Variants in FREM3 observed in about 807,000 individuals in gnomAD.
FREM3 encodes the protein FRAS1 related extracellular matrix 3.
A neutral mutation model predicts 129.1 loss-of-function variants in FREM3; 105 were observed. The ratio of observed to expected loss-of-function variants is 0.81; its 90% CI spans 0.69 to 0.96. The LOEUF (loss-of-function observed/expected upper bound fraction) is 0.96. FREM3 is among the 40% of genes least tolerant of loss of function. FREM3 has a pLI of 0.00. For synonymous variants in FREM3, 1,014 were observed against 1,044.9 expected, an observed-to-expected ratio of 0.97 and a Z score of 0.57; for missense variants, 2,593 against 2,666.3, an observed-to-expected ratio of 0.97 and a Z score of 0.61.
intron 4 of FREM3, among the ~76,000 whole-genome samples, chr4:143,623,258 T>C (rs1226513072): frequency 2.0e-5 from 3 of 152,198 alleles, no homozygotes; most frequent in Non-Finnish European, 4.4e-5. Context: ...AAATTTGGAA[T>C]AGTTCCTAGA....
At chr4:143,670,783 G>A (rs541840580) in intron 2 of FREM3, among the ~76,000 whole-genome samples, 66 of 152,056 alleles carry the variant, frequency 4.3e-4, no homozygotes, top group Middle Eastern at 3.4e-3. Context: ...CAGATTTTCT[G>A]AAGTGTGATT....
chr4:143,666,865 A>T (rs1358865846), intron 2 of FREM3, among the ~76,000 whole-genome samples: 4 of 152,178 alleles, frequency 2.6e-5, no homozygotes, highest in African/African-American at 9.6e-5. Context: ...GGTTAAAATT[A>T]CAAAATTTAT....
intron 2 of FREM3, among the ~76,000 whole-genome samples, chr4:143,679,872 C>A (rs1740219531): frequency 6.6e-6 from 1 of 152,128 alleles, no homozygotes; most frequent in Non-Finnish European, 1.5e-5. Context: ...ATTGCTGATT[C>A]CTTCCTGCCT....
intron 5 of FREM3, among the ~76,000 whole-genome samples, chr4:143,613,089 T>C (rs1016114250): frequency 4.6e-5 from 7 of 152,242 alleles, no homozygotes; most frequent in African/African-American, 1.7e-4. Flanking sequence ...CGACTTCAGA[T>C]GTTTTGCTCG....
At chr4:143,588,609 T>G (rs1343250069) in intron 6 of FREM3, among the ~76,000 whole-genome samples, 2 of 152,174 alleles carry the variant, frequency 1.3e-5, no homozygotes, top group South Asian at 4.2e-4. Context: ...CTCCATGGTG[T>G]ATATGTGCCA....
intron 7 of FREM3, among the ~76,000 whole-genome samples, chr4:143,578,061 A>G (rs1043262282): frequency 3.9e-5 from 6 of 152,236 alleles, no homozygotes; most frequent in African/African-American, 1.4e-4. Flanking sequence ...CCCACGTGCC[A>G]TCCTCACCAG....
At chr4:143,606,292 T>G (rs1347917529) in intron 6 of FREM3, among the ~76,000 whole-genome samples, 1 of 152,086 alleles carries the variant, frequency 6.6e-6, no homozygotes, top group Non-Finnish European at 1.5e-5. Context: ...TTTGGCTATG[T>G]GCATATGAAA....
At chr4:143,603,291 A>G (rs1239653823) in intron 6 of FREM3, among the ~76,000 whole-genome samples, 1 of 152,192 alleles carries the variant, frequency 6.6e-6, no homozygotes, top group Non-Finnish European at 1.5e-5. Flanking sequence ...GAAATCTAAA[A>G]AGAGTGTTGC....
At chr4:143,621,296 A>G in intron 4 of FREM3, 134 bp from the exon 5 acceptor site, 1 of 835,970 alleles carries the variant, frequency 1.2e-6, no homozygotes, top group Non-Finnish European at 1.8e-6. Flanking sequence ...AAATATAGTG[A>G]GAATGGGAAG....
intron 6 of FREM3, among the ~76,000 whole-genome samples, chr4:143,603,471 T>A (rs1302204662): frequency 6.6e-6 from 1 of 152,190 alleles, no homozygotes; most frequent in Non-Finnish European, 1.5e-5. Flanking sequence ...TATGATGACC[T>A]CACGTGTGAA....
intron 2 of FREM3, among the ~76,000 whole-genome samples, chr4:143,672,851 A>G (rs1740023757): frequency 6.6e-6 from 1 of 152,164 alleles, no homozygotes; most frequent in African/African-American, 2.4e-5. Flanking sequence ...TTGATCTTCA[A>G]TCACTGATAC....
At chr4:143,651,078 G>C (rs1195006272) in intron 2 of FREM3, among the ~76,000 whole-genome samples, 1 of 152,140 alleles carries the variant, frequency 6.6e-6, no homozygotes, top group African/African-American at 2.4e-5. Flanking sequence ...TTAAATAGGG[G>C]ATAGTAATTT....
At chr4:143,586,811 T>C (rs1470749869) in intron 6 of FREM3, among the ~76,000 whole-genome samples, 2 of 152,220 alleles carry the variant, frequency 1.3e-5, no homozygotes, top group East Asian at 3.8e-4. Flanking sequence ...CTATATGTAC[T>C]GTCATGAAAA....
chr4:143,667,399 AAC>A (rs1739882126), intron 2 of FREM3, among the ~76,000 whole-genome samples: 1 of 152,212 alleles, frequency 6.6e-6, no homozygotes, highest in African/African-American at 2.4e-5. Context: ...TTATTAAATT[AAC>A]ATTTCATATT....
intron 5 of FREM3, among the ~76,000 whole-genome samples, chr4:143,612,188 A>G (rs1391924630): frequency 2.0e-5 from 3 of 152,238 alleles, no homozygotes; most frequent in African/African-American, 4.8e-5. Context: ...CACCACAATC[A>G]TAAAACGTTT....
chr4:143,607,572 T>A (rs2149838598), intron 6 of FREM3, among the ~76,000 whole-genome samples: 1 of 152,292 alleles, frequency 6.6e-6, no homozygotes, highest in African/African-American at 2.4e-5. Context: ...AGAGTTAGGT[T>A]GAGAATCCTT....
At position 143,685,417 on chromosome 4, in the gene FREM3, A is replaced by G. The variant is rs188245886; in HGVS notation, c.5275+7696T>C. ...AAAAGTAAGCATCATATATGAAGGA[A>G]AGACACAGTCTTTTTCAGATGAACA... On this transcript the variant is annotated intron_variant, in intron 2 of 7. Transcript: ENST00000329798. 2.1e-3 allele frequency among the ~76,000 whole-genome samples: 323 copies of G among 152,294 alleles called. 2 individuals carry two copies. Among genetic ancestry groups the G allele is most frequent in the African/African-American group, 7.6e-3 (314 of 41,556 alleles).
intron 1 of FREM3, among the ~76,000 whole-genome samples, chr4:143,695,108 C>A (rs1383035943): frequency 6.6e-6 from 1 of 152,094 alleles, no homozygotes. Flanking sequence ...CTTCAAAAAC[C>A]TGGACTTACT....
intron 2 of FREM3, among the ~76,000 whole-genome samples, chr4:143,644,739 C>T (rs1037931994): frequency 1.3e-5 from 2 of 152,088 alleles, no homozygotes; most frequent in Non-Finnish European, 2.9e-5. Context: ...AACATTTTCT[C>T]ACAAAGAACA....
Sources: allele counts gnomAD v4.1 joint callset (sites outside exome capture counted in the v4.1 genomes callset), GRCh38; gene constraint gnomAD v4.1.1; transcripts MANE v1.5; gene names NCBI Gene and HGNC (gene_info 2026-07-23, HGNC 2026-07-21).